Variants in SCAMP1 observed in about 807,000 individuals in gnomAD.
SCAMP1 encodes secretory carrier membrane protein 1.
In SCAMP1, 15 loss-of-function variants were observed where a neutral mutation model predicts 41.8. The ratio of observed to expected loss-of-function variants is 0.36; its 90% confidence interval spans 0.24 to 0.55. The LOEUF is 0.55. Ranked by LOEUF, SCAMP1 falls within the 20% of genes least tolerant of loss-of-function variation. The pLI is 0.86. For missense variants in SCAMP1, 341 were observed against 412.6 expected (o/e 0.83, Z 1.50); for synonymous variants, 135 against 136.8 (o/e 0.99, Z 0.09).
At chr5:78,363,869 TG>T (rs1750726580) in intron 1 of SCAMP1, among the ~76,000 whole-genome samples, 1 of 152,186 alleles carries the variant, frequency 6.6e-6, no homozygotes, top group African/African-American at 2.4e-5. Context: ...GCTTAGTGAA[TG>T]GTTTTATGAA....
At position 78,480,623 on chromosome 5, in the gene SCAMP1, C is replaced by G. The variant is rs149212755; in HGVS notation, c.*4955C>G. ...TGCACAAAAACTGAACCCACTGGGC[C>G]TATGCATCCCTCACACTTTTTTTCT... On this transcript the variant is annotated 3_prime_UTR_variant, in exon 9 of 9. Transcript: ENST00000621999. 5.8e-4 allele frequency among the ~76,000 whole-genome samples: 88 copies of G among 152,232 alleles called. No individual in the cohort carries two copies. Among genetic ancestry groups the G allele is most frequent in the African/African-American group, 1.9e-3 (78 of 41,544 alleles).
At chr5:78,431,424 G>A (rs886948241) in intron 6 of SCAMP1, among the ~76,000 whole-genome samples, 4 of 151,054 alleles carry the variant, frequency 2.6e-5, no homozygotes, top group African/African-American at 4.9e-5. Context: ...ATGTGCTTAT[G>A]CCATTTATAT....
At chr5:78,464,637 G>A (rs1216548493) in intron 8 of SCAMP1, among the ~76,000 whole-genome samples, 7 of 150,620 alleles carry the variant, frequency 4.6e-5, no homozygotes, top group East Asian at 2.0e-4. Context: ...GATTGGGAAC[G>A]GCATTTTGGT....
chr5:78,479,894 A>C lies in SCAMP1; in HGVS notation c.*4226A>C. Among the ~76,000 whole-genome samples the C allele has an allele frequency of 6.6e-6, 1 of 151,964 alleles. No homozygotes were observed. Among genetic ancestry groups the C allele is most frequent in the Admixed American group, 6.6e-5 (1 of 15,252 alleles). ...CATCTCTACTAAAAATACAAAAAAAAAATTAGCTGAGCATGGTGGCGGGCG... is the reference window on the plus strand; with the variant it reads ...CATCTCTACTAAAAATACAAAAAAACAATTAGCTGAGCATGGTGGCGGGCG... On this transcript the variant is annotated 3_prime_UTR_variant, in exon 9 of 9. Transcript: ENST00000621999.
chr5:78,403,803 CA>C (rs1308033476), intron 2 of SCAMP1, among the ~76,000 whole-genome samples: 1 of 151,464 alleles, frequency 6.6e-6, no homozygotes, highest in Non-Finnish European at 1.5e-5. Context: ...CTGTCTCTAC[CA>C]AAAATACAAA....
At chr5:78,386,520 TTTTC>T (rs1434559144) in intron 1 of SCAMP1, among the ~76,000 whole-genome samples, 1 of 151,686 alleles carries the variant, frequency 6.6e-6, no homozygotes, top group Non-Finnish European at 1.5e-5. Context: ...ACCTTTTCTT[TTTTC>T]TTTTTTTTTT....
intron 2 of SCAMP1, among the ~76,000 whole-genome samples, chr5:78,407,552 G>C (rs925297624): frequency 6.7e-6 from 1 of 149,994 alleles, no homozygotes; most frequent in Non-Finnish European, 1.5e-5. Flanking sequence ...TTAAAATTTG[G>C]CTTGTGTTTT....
intron 7 of SCAMP1, among the ~76,000 whole-genome samples, chr5:78,455,200 T>C (rs1283381693): frequency 1.3e-5 from 2 of 150,674 alleles, no homozygotes; most frequent in African/African-American, 4.9e-5. Flanking sequence ...CTGCTCTGAT[T>C]TTAGTTATTT....
chr5:78,389,504 A>G lies in SCAMP1; in HGVS notation c.135+590A>G, dbSNP rs185597987. Among the ~76,000 whole-genome samples the G allele has an allele frequency of 1.1e-3, 164 of 152,226 alleles. 1 individual carries two copies. Among genetic ancestry groups the G allele is most frequent in the African/African-American group, 3.8e-3 (159 of 41,538 alleles). On this transcript the variant is annotated intron_variant, in intron 2 of 8. Transcript: ENST00000621999. The stretch of plus-strand genomic sequence containing the variant: ...GGCTGGTCTTGAACTCCTGGTCTCA[A>G]TCCATCCTCCCACCTCAGCCTCCCA...
chr5:78,399,796 A>T (rs1313135749), intron 2 of SCAMP1, among the ~76,000 whole-genome samples: 1 of 152,184 alleles, frequency 6.6e-6, no homozygotes, highest in Non-Finnish European at 1.5e-5. Context: ...ATTTTAAGGA[A>T]GTCCAGCTTT....
chr5:78,433,667 C>T (rs1752676080), intron 6 of SCAMP1, among the ~76,000 whole-genome samples: 1 of 151,996 alleles, frequency 6.6e-6, no homozygotes, highest in Non-Finnish European at 1.5e-5. Context: ...TCGGGTTTCC[C>T]CTTTGTGCCT....
chr5:78,468,240 T>C (rs1324693044), intron 8 of SCAMP1, among the ~76,000 whole-genome samples: 1 of 152,184 alleles, frequency 6.6e-6, no homozygotes, highest in Non-Finnish European at 1.5e-5. Flanking sequence ...AATATATGTC[T>C]CCTATACATC....
Position 78,419,293 on chromosome 5 carries a change from G to A in SCAMP1, c.472+390G>A, listed in dbSNP as rs146972091. On this transcript the variant is annotated intron_variant, in intron 5 of 8. Transcript: ENST00000621999. ...TAAAAGAATTCTGTTAAATGTAGGC[G>A]TTTTAGCTATTTTTAAAAGGGCATA... Among the ~76,000 whole-genome samples, 23 of 152,254 alleles carry A rather than the reference G, an allele frequency of 1.5e-4. 1 individual carries two copies. Among genetic ancestry groups the A allele is most frequent in the African/African-American group, 3.9e-4 (16 of 41,546 alleles).
intron 6 of SCAMP1, among the ~76,000 whole-genome samples, chr5:78,439,952 T>G (rs1010618110): frequency 1.1e-4 from 16 of 152,172 alleles, no homozygotes; most frequent in African/African-American, 3.6e-4. Flanking sequence ...ATTTCATTCA[T>G]TTGATCTTCA....
intron 1 of SCAMP1, among the ~76,000 whole-genome samples, chr5:78,375,753 T>A (rs1472058726): frequency 6.6e-6 from 1 of 152,178 alleles, no homozygotes; most frequent in Non-Finnish European, 1.5e-5. Context: ...TAAGTCTAGT[T>A]TGTCATATTT....
chr5:78,360,654 A>G lies in SCAMP1; in HGVS notation c.-18A>G, dbSNP rs531619824. The G allele has an allele frequency of 6.9e-6, 11 of 1,603,416 alleles. No homozygotes were observed. In the East Asian group the frequency reaches 2.5e-4, roughly 36 times the overall value. ...TCTCTGCGCCTGGGTCGGGTGGGTG[A>G]CGCCGAGAGCCAGAGAGATGTCGGA... is the stretch of plus-strand genomic sequence containing the variant. On this transcript the variant is annotated 5_prime_UTR_variant, in exon 1 of 9. Transcript: ENST00000621999.
chr5:78,443,212 C>CAAAA (rs398051015), intron 6 of SCAMP1, among the ~76,000 whole-genome samples: 22 of 66,040 alleles, frequency 3.3e-4, no homozygotes, highest in African/African-American at 4.7e-4. Flanking sequence ...GACTCTGTCT[C>CAAAA]AAAAAAAAAA....
chr5:78,366,484 G>A (rs1750799286), intron 1 of SCAMP1, among the ~76,000 whole-genome samples: 1 of 152,002 alleles, frequency 6.6e-6, no homozygotes, highest in East Asian at 1.9e-4. Flanking sequence ...TCCCATTCTT[G>A]AGAGCAGAGC....
chr5:78,410,260 A>G (rs903119310), intron 2 of SCAMP1, among the ~76,000 whole-genome samples: 3 of 151,758 alleles, frequency 2.0e-5, no homozygotes, highest in Non-Finnish European at 4.4e-5. Context: ...TTCACTAACT[A>G]TTCTTCCTGA....
Sources: allele counts gnomAD v4.1 joint callset (sites outside exome capture counted in the v4.1 genomes callset), GRCh38; gene constraint gnomAD v4.1.1; transcripts MANE v1.5; gene names NCBI Gene and HGNC (gene_info 2026-07-23, HGNC 2026-07-21).